Variants in GPR142 observed in about 807,000 individuals in gnomAD.
GPR142 encodes the protein G protein-coupled receptor 142.
GPR142 carries 9 observed loss-of-function variants against 10.6 expected under a neutral mutation model. The ratio of observed to expected loss-of-function variants is 0.85; its 90% CI spans 0.51 to 1.48. The LOEUF (loss-of-function observed/expected upper bound fraction) is 1.48, where lower values mean the gene tolerates loss of function less well. Ranked by LOEUF, GPR142 falls within the 40% of genes most tolerant of loss-of-function variation. GPR142 has a pLI of 0.00. For missense variants in GPR142, 482 were observed against 506.0 expected (o/e 0.95, Z 0.45); for synonymous variants, 202 against 221.2 (o/e 0.91, Z 0.77).
chr17:74,367,633 A>C lies in GPR142; in HGVS notation c.-235A>C, dbSNP rs2144335119. On this transcript the variant is annotated 5_prime_UTR_variant, in exon 1 of 4. Transcript: ENST00000582579. ...GACAAATCAATGGTGTCCCATGCAC[A>C]GAAAAGCCAGCATTCTTGTCTCAGC... The C allele has an allele frequency of 1.9e-6, 3 of 1,614,222 alleles. No homozygotes were observed. Among genetic ancestry groups the C allele is most frequent in the African/African-American group, 1.3e-5 (1 of 75,056 alleles).
rs764732586 is a variant in GPR142, at chr17:74,370,557, A to G, written c.131A>G (p.His44Arg). 8.7e-6 allele frequency: 14 copies of G among 1,612,920 alleles called. No homozygotes were observed. Among genetic ancestry groups the G allele is most frequent in the Admixed American group, 3.3e-5 (2 of 59,888 alleles). Residue 44 changes from histidine to arginine, a missense_variant, in exon 3 of 4, where the codon CAC (histidine) becomes CGC (arginine). His to Arg is a conservative substitution (Grantham distance 29, BLOSUM62 0). Transcript: ENST00000582579. ...CGAGTGACCCTGCTGCCCACGCCCC[A>G]CGTCAGCGGGCTGAGCCAGGAGTTT... ...QPRVTLLPTP[H>R]VSGLSQEFES...
At chr17:74,370,026 CAG>C (rs1256009377) in intron 2 of GPR142, among the ~76,000 whole-genome samples, 2 of 152,182 alleles carry the variant, frequency 1.3e-5, no homozygotes, top group African/African-American at 4.8e-5. Flanking sequence ...TGGAGCTGTG[CAG>C]ACCTGGGGCC....
In GPR142 at chr17:74,368,038, T is replaced by C. The variant is rs192601937; in HGVS notation, c.-74+244T>C. Among the ~76,000 whole-genome samples the C allele has an allele frequency of 4.9e-4, 75 of 152,236 alleles. 1 individual carries two copies. The South Asian group carries it at 5.8e-3, about 12-fold the overall frequency. On this transcript the variant is annotated intron_variant, in intron 1 of 3. Coordinates refer to ENST00000582579, the MANE Select transcript of GPR142 (RefSeq NM_001331076.1). ...ACTCACACCTGTAATCCCAGCTCTT[T>C]GAGAGGCCAAGGCAGAAGGACCACT...
chr17:74,372,569 C>A lies in GPR142; in HGVS notation c.1094C>A (p.Pro365His). ...ATGGCGGCGAAGCCTGTGATGGAGC[C>A]TCCGGGACTCCCCACAGGGGCAGAA... ...EGMAAKPVME[P>H]PGLPTGAEV The change falls in exon 4 of 4, where the codon CCT becomes CAT. Residue 365 changes from proline (P) to histidine (H), a missense_variant. Pro to His is a moderately conservative substitution (Grantham distance 77). Coordinates refer to ENST00000582579, the MANE Select transcript of GPR142 (RefSeq NM_001331076.1). 1 of 1,608,340 alleles carries A rather than the reference C, an allele frequency of 6.2e-7. No individual in the cohort carries two copies. Among genetic ancestry groups the A allele is most frequent in the Non-Finnish European group, 8.5e-7 (1 of 1,179,922 alleles).
At chr17:74,371,684 C>T in intron 3 of GPR142, 45 bp from the exon 4 acceptor site, 2 of 1,552,048 alleles carry the variant, frequency 1.3e-6, no homozygotes, top group African/African-American at 1.3e-5. Flanking sequence ...AGAGTCTGAG[C>T]TCTCTTCTGA....
chr17:74,369,471 C>G lies in GPR142; in HGVS notation c.-70C>G, dbSNP rs755520839. On this transcript the variant is annotated 5_prime_UTR_variant, in exon 2 of 4. It introduces an in-frame stop codon into an upstream open reading frame of the 5' UTR. Transcript: ENST00000582579. Reference sequence around the variant, plus strand: ...GCCCCGCCCCCTGCACTAACAGGCTCAGTGTCTGCGTAAGGATCCTGGGGC... The same window carrying G: ...GCCCCGCCCCCTGCACTAACAGGCTGAGTGTCTGCGTAAGGATCCTGGGGC... 9 of 1,556,368 alleles carry G rather than the reference C, an allele frequency of 5.8e-6. No individual in the cohort carries two copies. In the Admixed American group the frequency reaches 1.8e-4, roughly 30 times the overall value.
intron 1 of GPR142, among the ~76,000 whole-genome samples, chr17:74,368,358 A>G (rs1352817804): frequency 6.6e-6 from 1 of 152,100 alleles, no homozygotes; most frequent in African/African-American, 2.4e-5. Context: ...CTGAGCGGGC[A>G]GCTCCGTCTC....
Position 74,369,391 on chromosome 17 carries a change from C to T in GPR142, c.-73-77C>T, listed in dbSNP as rs1384319467. 3 of 1,425,794 alleles carry T rather than the reference C, an allele frequency of 2.1e-6. No individual in the cohort carries two copies. In the African/African-American group the frequency reaches 4.2e-5, roughly 20 times the overall value. 88.3% of individuals were successfully genotyped at this position (1,425,794 alleles called of 1,614,324 possible). On this transcript the variant is annotated intron_variant, in intron 1 of 3. Coordinates refer to ENST00000582579, the MANE Select transcript of GPR142 (RefSeq NM_001331076.1). ...CCCTGGTTTGCTCCACCAGCATCTA[C>T]TCTAGCTCTTTCCCCGGTGCCTCCG...
intron 1 of GPR142, among the ~76,000 whole-genome samples, chr17:74,369,070 C>G (rs2055003786): frequency 6.6e-6 from 1 of 152,184 alleles, no homozygotes; most frequent in South Asian, 2.1e-4. Context: ...GTGCCCTACT[C>G]TCTTCCCTTT....
chr17:74,368,206 A>G (rs1425884451), intron 1 of GPR142, among the ~76,000 whole-genome samples: 1 of 152,090 alleles, frequency 6.6e-6, no homozygotes, highest in Admixed American at 6.5e-5. Context: ...CTTGCCCCTC[A>G]CCCATGGCAG....
Position 74,372,371 on chromosome 17 carries a change from A to G in GPR142, c.896A>G (p.His299Arg), listed in dbSNP as rs1403777679. 3 of 1,613,964 alleles carry G rather than the reference A, an allele frequency of 1.9e-6. No homozygotes were observed. The South Asian group carries it at 3.3e-5, about 18-fold the overall frequency. Residue 299 changes from histidine to arginine, a missense_variant, in exon 4 of 4, where the codon CAC (histidine) becomes CGC (arginine). His to Arg is a conservative substitution (Grantham distance 29). Transcript: ENST00000582579. ...TACCACATGTACGTGGCCCCTGTCC[A>G]CCGGGACTGGAGGGTCCACCTGGCC... is the stretch of plus-strand genomic sequence containing the variant. ...MLYHMYVAPV[H>R]RDWRVHLALD...
Position 74,372,121 on chromosome 17 carries a change from G to T in GPR142, c.646G>T (p.Asp216Tyr). 1.2e-6 allele frequency: 2 copies of T among 1,614,144 alleles called. No individual in the cohort carries two copies. The highest frequency in any genetic ancestry group is 2.2e-5 in the East Asian group (1 of 44,880). ...GTGGCTGGACATGTGGAGAGACACC[G>T]ACTCACCCAGAACACTGGACGAGGT... ...YWWLDMWRDT[D>Y]SPRTLDEVLK... Residue 216 changes from aspartate to tyrosine, a missense_variant, in exon 4 of 4, where the codon GAC (aspartate) becomes TAC (tyrosine). Coordinates refer to ENST00000582579, the MANE Select transcript of GPR142 (RefSeq NM_001331076.1).
In GPR142 at chr17:74,372,419, C is replaced by G. The variant is rs969929679; in HGVS notation, c.944C>G (p.Ala315Gly). The G allele has an allele frequency of 2.5e-6, 4 of 1,614,028 alleles. No homozygotes were observed. The highest frequency in any genetic ancestry group is 3.4e-6 in the Non-Finnish European group (4 of 1,179,962). ...GCCTTGGATGTGGCCAATATGGTGG[C>G]CATGCTCCACACGGCAGCCAACTTC... Reference protein sequence around the residue: ...HLALDVANMVAMLHTAANFGL... With the variant: ...HLALDVANMVGMLHTAANFGL... The change falls in exon 4 of 4, where the codon GCC (alanine) becomes GGC (glycine). Residue 315 changes from alanine to glycine, a missense_variant. Physicochemically the swap from Ala to Gly is moderately conservative, Grantham distance 60 (BLOSUM62 0). Transcript: ENST00000582579.
intron 2 of GPR142, 35 bp from the exon 3 acceptor site, chr17:74,370,486 C>A (rs751874649): frequency 1.4e-5 from 22 of 1,579,028 alleles, no homozygotes; most frequent in Non-Finnish European, 1.1e-5. Flanking sequence ...AGAAATAGAC[C>A]AGAGGCTCTG....
chr17:74,367,806 G>A lies in GPR142; in HGVS notation c.-74+12G>A, dbSNP rs747696240. ...TATGGGGTGGGATGGTAAGTTGCTG[G>A]AAGGACGTGCATGGGGCATCATTGT... On this transcript the variant is annotated intron_variant, in intron 1 of 3. Coordinates refer to ENST00000582579, the MANE Select transcript of GPR142 (RefSeq NM_001331076.1). The A allele has an allele frequency of 1.8e-5, 28 of 1,585,742 alleles. No individual in the cohort carries two copies. The highest frequency in any genetic ancestry group is 7.0e-5 in the Admixed American group (4 of 57,208).
rs199643015 is a variant in GPR142 at position 74,369,539 on chromosome 17, C to A, written c.-2C>A. 5 of 1,556,424 alleles carry A rather than the reference C, an allele frequency of 3.2e-6. No homozygotes were observed. Among genetic ancestry groups the A allele is most frequent in the Non-Finnish European group, 2.6e-6 (3 of 1,149,490 alleles). ...GCCAAGGGGTGAGAGGTACAGCTGG[C>A]GATGCTGACAGGGAGCTGCGGGGAC... On this transcript the variant is annotated 5_prime_UTR_variant, in exon 2 of 4. Transcript: ENST00000582579.
In GPR142 at chr17:74,372,558, T is replaced by G; in HGVS notation, c.1083T>G (p.Pro361=). ...AGCCAGAGGGCATGGCGGCGAAGCC[T>G]GTGATGGAGCCTCCGGGACTCCCCA... ...ASQPEGMAAK[P]VMEPPGLPTG... The change falls in exon 4 of 4, where the codon CCT becomes CCG. Residue 361 remains proline (P), a synonymous_variant. Coordinates refer to ENST00000582579, the MANE Select transcript of GPR142 (RefSeq NM_001331076.1). 6.2e-7 allele frequency: 1 copy of G among 1,610,590 alleles called. No individual in the cohort carries two copies. The highest frequency in any genetic ancestry group is 2.2e-5 in the East Asian group (1 of 44,888).
At chr17:74,369,706 A>G in intron 2 of GPR142, 72 bp downstream of exon 2, 1 of 1,441,656 alleles carries the variant, frequency 6.9e-7, no homozygotes, top group South Asian at 1.3e-5. Flanking sequence ...GAGGCAGGTT[A>G]GGGACCTAGA....
chr17:74,367,749 G>A lies in GPR142; in HGVS notation c.-119G>A, dbSNP rs1232286913. ...CAAGGACTCCAGCAGTTTCCGCCAG[G>A]TGAATCCAGCTGCCTCCCAGAACAG... On this transcript the variant is annotated 5_prime_UTR_variant, in exon 1 of 4. It adds an upstream start codon to the 5' untranslated region. Coordinates refer to ENST00000582579, the MANE Select transcript of GPR142 (RefSeq NM_001331076.1). 1.2e-6 allele frequency: 2 copies of A among 1,613,466 alleles called. No homozygotes were observed. Among genetic ancestry groups the A allele is most frequent in the Admixed American group, 1.7e-5 (1 of 59,948 alleles).
Sources: allele counts gnomAD v4.1 joint callset (sites outside exome capture counted in the v4.1 genomes callset), GRCh38; gene constraint gnomAD v4.1.1; transcripts MANE v1.5; gene names NCBI Gene and HGNC (gene_info 2026-07-23, HGNC 2026-07-21).